Variants in FSTL4 observed in about 807,000 individuals in gnomAD.
FSTL4 encodes the protein follistatin like 4, also known as follistatin-related protein 4.
Under a neutral mutation model 78.2 loss-of-function variants are expected in FSTL4, and 28 were observed. That is an observed-to-expected ratio of 0.36 (90% CI 0.27 to 0.49). The LOEUF is 0.49. FSTL4 is among the 20% of genes least tolerant of loss of function. The probability of loss-of-function intolerance (pLI) is 0.98; values close to 1 mark genes in which losing one functional copy is unlikely to be tolerated. For synonymous variants in FSTL4, 422 were observed against 440.5 expected (o/e 0.96, Z 0.53); for missense variants, 922 against 1,084.9 (o/e 0.85, Z 2.11).
the FSTL4 span, among the ~76,000 whole-genome samples, chr5:133,793,998 C>T: frequency 6.6e-6 from 1 of 152,232 alleles, no homozygotes; most frequent in East Asian, 1.9e-4. Flanking sequence ...TTCTGAGACT[C>T]CTTGGCAAAT....
At chr5:133,417,884 G>GGGAGGC (rs1338686982) in intron 3 of FSTL4, among the ~76,000 whole-genome samples, 7 of 150,164 alleles carry the variant, frequency 4.7e-5, no homozygotes, top group Non-Finnish European at 8.9e-5. Flanking sequence ...TCTTGAACCC[G>GGGAGGC]GGAGGCGGAG....
intron 4 of FSTL4, among the ~76,000 whole-genome samples, chr5:133,335,811 G>A (rs1754451923): frequency 6.6e-6 from 1 of 151,874 alleles, no homozygotes; most frequent in East Asian, 1.9e-4. Flanking sequence ...CACCAACACT[G>A]GGATCCTTGG....
chr5:133,665,333 G>A, the FSTL4 span, among the ~76,000 whole-genome samples: 58 of 152,244 alleles, frequency 3.8e-4, no homozygotes, highest in Admixed American at 3.9e-4. Flanking sequence ...GAATCAATTC[G>A]GTCCTCTTCC....
chr5:133,217,130 C>G, intron 13 of FSTL4, 99 bp downstream of exon 13: 1 of 933,340 alleles, frequency 1.1e-6, no homozygotes, highest in South Asian at 1.6e-5. Context: ...AGTCTGACCA[C>G]CTGGCACAGG....
At chr5:133,566,394 C>T (rs1219234864) in intron 3 of FSTL4, among the ~76,000 whole-genome samples, 1 of 152,002 alleles carries the variant, frequency 6.6e-6, no homozygotes, top group Admixed American at 6.6e-5. Context: ...AGATTGTCTC[C>T]CTCTTTGGAG....
intron 4 of FSTL4, among the ~76,000 whole-genome samples, chr5:133,328,062 C>T (rs956941220): frequency 6.6e-6 from 1 of 152,236 alleles, no homozygotes; most frequent in Non-Finnish European, 1.5e-5. Flanking sequence ...ACAAGGCTCA[C>T]TTTGGAACCA....
intron 11 of FSTL4, 193 bp from the exon 12 acceptor site, chr5:133,221,059 G>C (rs1435909413): frequency 1.5e-6 from 1 of 679,308 alleles, no homozygotes; most frequent in African/African-American, 1.8e-5. Context: ...GGGCCCCCCA[G>C]GACTATGAAT....
chr5:133,272,615 A>T (rs183844211), intron 6 of FSTL4, among the ~76,000 whole-genome samples: 81 of 152,370 alleles, frequency 5.3e-4, no homozygotes, highest in African/African-American at 1.6e-3. Flanking sequence ...GTTCAGTTCA[A>T]TTAAAAAGTG....
the FSTL4 span, among the ~76,000 whole-genome samples, chr5:133,716,848 G>A: frequency 4.6e-3 from 697 of 152,284 alleles, 11 homozygotes; most frequent in African/African-American, 0.015. Flanking sequence ...TCCATTTTTA[G>A]AAAAGGGAAA....
the FSTL4 span, among the ~76,000 whole-genome samples, chr5:133,709,239 T>G: frequency 2.0e-5 from 3 of 152,330 alleles, no homozygotes; most frequent in African/African-American, 4.8e-5. Flanking sequence ...TGAAGGATTT[T>G]TATAGTGATT....
At chr5:133,219,456 T>C (rs553207916) in intron 12 of FSTL4, among the ~76,000 whole-genome samples, 26 of 152,362 alleles carry the variant, frequency 1.7e-4, no homozygotes, top group Admixed American at 6.5e-4. Flanking sequence ...CAAGTCTACC[T>C]GACTCTGAAG....
At chr5:133,679,209 G>T in the FSTL4 span, among the ~76,000 whole-genome samples, 3 of 152,046 alleles carry the variant, frequency 2.0e-5, no homozygotes, top group Non-Finnish European at 2.9e-5. Flanking sequence ...ATCATAGGCT[G>T]GTCACACAAG....
At chr5:133,717,805 C>T in the FSTL4 span, among the ~76,000 whole-genome samples, 1 of 152,224 alleles carries the variant, frequency 6.6e-6, no homozygotes, top group Non-Finnish European at 1.5e-5. Context: ...ATACACCATA[C>T]TGTCTATTCA....
rs564171409 is a variant in FSTL4 at position 133,213,921 on chromosome 5, T to G, written c.1608+3308A>C. Among the ~76,000 whole-genome samples the G allele has an allele frequency of 1.2e-4, 18 of 152,230 alleles. No homozygotes were observed. The Middle Eastern group carries it at 0.01, about 86-fold the overall frequency. ...TTAAAAGGAGGGAACAATTATACCA[T>G]GAGAAAACGAATTAAAATAAATCTG... On this transcript the variant is annotated intron_variant, in intron 13 of 15. Transcript: ENST00000265342.
the FSTL4 span, among the ~76,000 whole-genome samples, chr5:133,618,177 A>C: frequency 6.6e-6 from 1 of 152,226 alleles, no homozygotes; most frequent in Admixed American, 6.5e-5. Context: ...ACAATAATTC[A>C]TAACATATAA....
intron 6 of FSTL4, among the ~76,000 whole-genome samples, chr5:133,290,977 C>G (rs1267059096): frequency 6.6e-6 from 1 of 152,256 alleles, no homozygotes; most frequent in Non-Finnish European, 1.5e-5. Flanking sequence ...GCCGCATCTC[C>G]CAGCCCCTCA....
chr5:133,460,049 T>C (rs751580225), intron 3 of FSTL4, among the ~76,000 whole-genome samples: 13 of 152,186 alleles, frequency 8.5e-5, no homozygotes, highest in Non-Finnish European at 1.6e-4. Context: ...CTTTACTTCA[T>C]CCTCTTCATT....
At chr5:133,726,168 C>A in the FSTL4 span, among the ~76,000 whole-genome samples, 2 of 152,114 alleles carry the variant, frequency 1.3e-5, no homozygotes, top group South Asian at 4.2e-4. Flanking sequence ...TGTCCCTATG[C>A]CTGACTCCTG....
At chr5:133,833,658 G>C in the FSTL4 span, among the ~76,000 whole-genome samples, 1 of 152,162 alleles carries the variant, frequency 6.6e-6, no homozygotes, top group Non-Finnish European at 1.5e-5. Flanking sequence ...TAGGATTCCA[G>C]ACAGAATGAA....
Sources: allele counts gnomAD v4.1 joint callset (sites outside exome capture counted in the v4.1 genomes callset), GRCh38; gene constraint gnomAD v4.1.1; transcripts MANE v1.5; gene names NCBI Gene and HGNC (gene_info 2026-07-23, HGNC 2026-07-21).